The following NUTF2 variants were observed in gnomAD, a reference collection of about 807,000 sequenced individuals.
NUTF2 encodes the protein nuclear transport factor 2.
Under a neutral mutation model 18.5 loss-of-function variants are expected in NUTF2, and 3 were observed. The observed-to-expected ratio is 0.16, with a 90% CI of 0.07 to 0.42. The LOEUF (loss-of-function observed/expected upper bound fraction) is 0.42. NUTF2 is among the 10% of genes least tolerant of loss of function. The pLI is 0.99. For synonymous variants in NUTF2, 51 were observed against 57.9 expected (o/e 0.88, Z 0.54); for missense variants, 44 against 160.7 (o/e 0.27, Z 3.93).
chr16:67,857,527 C>T (rs1484155747), intron 1 of NUTF2, among the ~76,000 whole-genome samples: 5 of 152,050 alleles, frequency 3.3e-5, no homozygotes, highest in South Asian at 2.1e-4. Flanking sequence ...ATGGTGTGGG[C>T]GAGATACCTA....
chr16:67,864,879 C>T (rs1263735690), intron 1 of NUTF2, among the ~76,000 whole-genome samples: 1 of 152,138 alleles, frequency 6.6e-6, no homozygotes, highest in Non-Finnish European at 1.5e-5. Flanking sequence ...TCTCATCAAC[C>T]AAGAACTCAA....
intron 1 of NUTF2, among the ~76,000 whole-genome samples, chr16:67,859,771 C>G (rs2057922383): frequency 7.0e-6 from 1 of 142,274 alleles, no homozygotes; most frequent in Non-Finnish European, 1.5e-5. Context: ...GTTGAAATTA[C>G]AGGCGTGAGC....
At chr16:67,853,338 C>T (rs916882004) in intron 1 of NUTF2, among the ~76,000 whole-genome samples, 4 of 152,066 alleles carry the variant, frequency 2.6e-5, no homozygotes, top group Non-Finnish European at 4.4e-5. Flanking sequence ...ACTACAGGTG[C>T]GCACCATCAC....
chr16:67,857,426 T>A (rs1186522886), intron 1 of NUTF2, among the ~76,000 whole-genome samples: 12 of 152,164 alleles, frequency 7.9e-5, no homozygotes, highest in Non-Finnish European at 1.6e-4. Flanking sequence ...GGATTCTGTC[T>A]TGGCCAGCCA....
intron 1 of NUTF2, among the ~76,000 whole-genome samples, chr16:67,858,803 G>C (rs141689218): frequency 6.6e-6 from 1 of 152,048 alleles, no homozygotes; most frequent in Non-Finnish European, 1.5e-5. Flanking sequence ...CATAAAATCG[G>C]GGGACTTCCA....
chr16:67,865,025 TGA>T, intron 1 of NUTF2, 75 bp from the exon 2 acceptor site: 1 of 695,890 alleles, frequency 1.4e-6, no homozygotes, highest in Non-Finnish European at 2.6e-6. Flanking sequence ...GGAAGGCCAG[TGA>T]GGGGTGGGGG....
chr16:67,860,181 A>C (rs920501856), intron 1 of NUTF2, among the ~76,000 whole-genome samples: 1 of 151,972 alleles, frequency 6.6e-6, no homozygotes, highest in Non-Finnish European at 1.5e-5. Context: ...GGGTTTCACC[A>C]TGTTAGCCAG....
chr16:67,864,440 C>A (rs951333541), intron 1 of NUTF2, among the ~76,000 whole-genome samples: 3 of 142,798 alleles, frequency 2.1e-5, no homozygotes, highest in African/African-American at 7.8e-5. Context: ...GCCCAGGGAG[C>A]GGAGGTTGCA....
chr16:67,849,815 C>T (rs933118101), intron 1 of NUTF2, among the ~76,000 whole-genome samples: 4 of 152,042 alleles, frequency 2.6e-5, no homozygotes, highest in Non-Finnish European at 4.4e-5. Context: ...CCCACCACCA[C>T]GCCCAGCTAA....
At chr16:67,857,140 A>G (rs148982173) in intron 1 of NUTF2, among the ~76,000 whole-genome samples, 159 of 152,324 alleles carry the variant, frequency 1.0e-3, no homozygotes, top group Non-Finnish European at 2.1e-3. Flanking sequence ...AGCCAAGTCC[A>G]TGTTTACCTG....
chr16:67,865,197 G>A lies in NUTF2; in HGVS notation c.67G>A (p.Asp23Asn). 6.2e-7 allele frequency: 1 copy of A among 1,613,388 alleles called. No individual in the cohort carries two copies. Among genetic ancestry groups the A allele is most frequent in the Non-Finnish European group, 8.5e-7 (1 of 1,179,592 alleles). ...CATTCAACATTACTACCAGTTATTT[G>A]ATAATGATAGAACCCAACTAGGCGC... ...SFIQHYYQLF[D>N]NDRTQLGAIY... is the part of the protein sequence containing the mutation. The change falls in exon 2 of 5, where the codon GAT (aspartate) becomes AAT (asparagine). Residue 23 changes from aspartate to asparagine, a missense_variant. Physicochemically the swap from Asp to Asn is conservative, Grantham distance 23. Coordinates refer to ENST00000219169, the MANE Select transcript of NUTF2 (RefSeq NM_005796.3).
At chr16:67,848,208 T>C (rs932179912) in intron 1 of NUTF2, among the ~76,000 whole-genome samples, 1 of 152,148 alleles carries the variant, frequency 6.6e-6, no homozygotes, top group Non-Finnish European at 1.5e-5. Context: ...AAGGAACCAG[T>C]CCAGAGAAGA....
At chr16:67,863,584 C>T (rs1124324) in intron 1 of NUTF2, among the ~76,000 whole-genome samples, 22,829 of 152,170 alleles carry the variant, frequency 0.15, 1,918 homozygotes, top group African/African-American at 0.21. Flanking sequence ...TCACAACCAC[C>T]GGCACTGTCA....
intron 1 of NUTF2, among the ~76,000 whole-genome samples, chr16:67,857,289 T>C (rs763305926): frequency 3.3e-5 from 5 of 152,070 alleles, no homozygotes; most frequent in Admixed American, 6.5e-5. Flanking sequence ...AGAATGCAGG[T>C]CTCGGGATTC....
At chr16:67,866,976 CT>C (rs1299704183) in intron 2 of NUTF2, among the ~76,000 whole-genome samples, 283 of 143,652 alleles carry the variant, frequency 2.0e-3, no homozygotes, top group Non-Finnish European at 2.1e-3. Flanking sequence ...ATCACTCTCC[CT>C]TTTTTTTTTT....
chr16:67,863,677 G>A (rs1353650034), intron 1 of NUTF2, among the ~76,000 whole-genome samples: 3 of 152,216 alleles, frequency 2.0e-5, no homozygotes, highest in Non-Finnish European at 4.4e-5. Context: ...CACTGCGAAT[G>A]CTTGTCTGCT....
intron 1 of NUTF2, among the ~76,000 whole-genome samples, chr16:67,850,809 AT>A (rs953133935): frequency 6.6e-6 from 1 of 150,492 alleles, no homozygotes; most frequent in African/African-American, 2.4e-5. Flanking sequence ...GCCTATCACT[AT>A]TTTTTTTTGA....
intron 1 of NUTF2, among the ~76,000 whole-genome samples, chr16:67,862,703 T>G (rs1418344548): frequency 6.6e-6 from 1 of 152,144 alleles, no homozygotes; most frequent in Non-Finnish European, 1.5e-5. Context: ...GACGTGGTGG[T>G]GCTTGCCTGG....
At chr16:67,851,931 G>A (rs562930267) in intron 1 of NUTF2, among the ~76,000 whole-genome samples, 28 of 152,162 alleles carry the variant, frequency 1.8e-4, no homozygotes, top group African/African-American at 6.3e-4. Context: ...CAGGAGACTC[G>A]CTTGAACCTG....
Sources: gnomAD v4.1 joint callset for allele counts (sites outside exome capture counted in the v4.1 genomes callset) on GRCh38, gnomAD v4.1.1 for gene constraint, MANE v1.5 for transcripts, NCBI Gene and HGNC (gene_info 2026-07-23, HGNC 2026-07-21) for gene names.